ARHGAP10: variants seen among roughly 807,000 people sequenced by gnomAD.
ARHGAP10 encodes rho GTPase-activating protein 10.
A neutral mutation model predicts 108.6 loss-of-function variants in ARHGAP10; 87 were observed. The ratio of observed to expected loss-of-function variants is 0.80; its 90% CI spans 0.67 to 0.96. The LOEUF is 0.96. ARHGAP10 is among the 40% of genes least tolerant of loss of function. The probability of loss-of-function intolerance (pLI) is 0.00; values close to 1 mark genes in which losing one functional copy is unlikely to be tolerated. For synonymous variants in ARHGAP10, 347 were observed against 341.1 expected (o/e 1.02, Z -0.19); for missense variants, 939 against 954.5 (o/e 0.98, Z 0.21).
intron 22 of ARHGAP10, among the ~76,000 whole-genome samples, chr4:148,068,036 C>G (rs1010591910): frequency 6.6e-6 from 1 of 151,098 alleles, no homozygotes; most frequent in Non-Finnish European, 1.5e-5. Context: ...AGGGCAGTGA[C>G]GTTCCTGTGA....
At chr4:147,956,617 T>C (rs957119311) in intron 16 of ARHGAP10, among the ~76,000 whole-genome samples, 2 of 152,148 alleles carry the variant, frequency 1.3e-5, no homozygotes, top group Non-Finnish European at 2.9e-5. Flanking sequence ...GAAATTAAAC[T>C]TAGTTGGAGG....
chr4:147,906,197 G>T lies in ARHGAP10; in HGVS notation c.1035-441G>T, dbSNP rs188109478. ...TCCATTTCTTGATATATACCTGAAA[G>T]AATTGAAAGCAGGGGCCTAAACAGG... is the stretch of plus-strand genomic sequence containing the variant. On this transcript the variant is annotated intron_variant, in intron 10 of 22. Coordinates refer to ENST00000336498, the MANE Select transcript of ARHGAP10 (RefSeq NM_024605.4). Among the ~76,000 whole-genome samples the T allele has an allele frequency of 4.2e-3, 638 of 152,234 alleles. 4 individuals carry two copies. Among genetic ancestry groups the T allele is most frequent in the South Asian group, 0.014 (66 of 4,816 alleles).
chr4:148,045,630 C>A (rs1288175080), intron 19 of ARHGAP10, among the ~76,000 whole-genome samples: 1 of 147,848 alleles, frequency 6.8e-6, no homozygotes, highest in Non-Finnish European at 1.5e-5. Context: ...CCCAACTACT[C>A]GGGAGGCTGA....
chr4:147,986,929 T>A (rs1740066063), intron 18 of ARHGAP10, among the ~76,000 whole-genome samples: 1 of 152,224 alleles, frequency 6.6e-6, no homozygotes, highest in African/African-American at 2.4e-5. Flanking sequence ...CTGCTGCTGC[T>A]CCTTCCATTC....
At chr4:147,946,445 A>G (rs1189756405) in intron 14 of ARHGAP10, 172 bp from the exon 15 acceptor site, 4 of 517,380 alleles carry the variant, frequency 7.7e-6, no homozygotes, top group Non-Finnish European at 1.3e-5. Flanking sequence ...AGAAGTGTCT[A>G]GTCATAGAAC....
chr4:147,879,124 T>A, intron 8 of ARHGAP10, 108 bp from the exon 9 acceptor site: 1 of 785,664 alleles, frequency 1.3e-6, no homozygotes, highest in Non-Finnish European at 2.0e-6. Flanking sequence ...TTGATTCAGC[T>A]GTATTCGTTG....
At chr4:148,037,424 A>G (rs1728429400) in intron 19 of ARHGAP10, among the ~76,000 whole-genome samples, 2 of 152,234 alleles carry the variant, frequency 1.3e-5, no homozygotes, top group South Asian at 2.1e-4. Context: ...CTGATCCAAT[A>G]TGACAGTCTG....
intron 3 of ARHGAP10, among the ~76,000 whole-genome samples, chr4:147,840,839 C>T (rs1365079966): frequency 6.6e-6 from 1 of 152,210 alleles, no homozygotes; most frequent in Non-Finnish European, 1.5e-5. Flanking sequence ...AGCATTCCTT[C>T]TTCCTTCCCA....
chr4:147,887,857 A>G (rs1735633281), intron 10 of ARHGAP10, among the ~76,000 whole-genome samples: 1 of 150,008 alleles, frequency 6.7e-6, no homozygotes, highest in Non-Finnish European at 1.5e-5. Flanking sequence ...GCGAGACTCC[A>G]TCTCAAAAAA....
intron 18 of ARHGAP10, among the ~76,000 whole-genome samples, chr4:148,019,335 G>T (rs1741469867): frequency 6.6e-6 from 1 of 152,084 alleles, no homozygotes; most frequent in South Asian, 2.1e-4. Context: ...TTTATTTCTG[G>T]CTACTGTGTG....
chr4:147,859,157 A>G (rs1180821075), intron 5 of ARHGAP10, among the ~76,000 whole-genome samples: 3 of 152,206 alleles, frequency 2.0e-5, no homozygotes, highest in Non-Finnish European at 2.9e-5. Flanking sequence ...ATGTGTCTCA[A>G]ACCTTCAATT....
chr4:148,013,565 G>C (rs1741242983), intron 18 of ARHGAP10, among the ~76,000 whole-genome samples: 1 of 152,142 alleles, frequency 6.6e-6, no homozygotes, highest in African/African-American at 2.4e-5. Flanking sequence ...GCGGGCGCCT[G>C]TAGTCCCAGC....
intron 1 of ARHGAP10, among the ~76,000 whole-genome samples, chr4:147,738,385 A>G (rs1728506050): frequency 6.6e-6 from 1 of 152,076 alleles, no homozygotes; most frequent in Non-Finnish European, 1.5e-5. Flanking sequence ...CCCCATCTCT[A>G]CTAAAAATAA....
intron 14 of ARHGAP10, among the ~76,000 whole-genome samples, chr4:147,945,780 C>T (rs895156294): frequency 1.3e-5 from 2 of 152,050 alleles, no homozygotes; most frequent in East Asian, 3.9e-4. Flanking sequence ...CAGCTAAATC[C>T]GTGTTTTTGT....
At chr4:147,867,880 A>T (rs1734632647) in intron 7 of ARHGAP10, among the ~76,000 whole-genome samples, 1 of 149,888 alleles carries the variant, frequency 6.7e-6, no homozygotes, top group African/African-American at 2.4e-5. Context: ...AAAAAAAAAA[A>T]AAAAAAGTTG....
At chr4:147,840,946 T>C (rs6846899) in intron 3 of ARHGAP10, among the ~76,000 whole-genome samples, 33,791 of 152,178 alleles carry the variant, frequency 0.22, 5,427 homozygotes, top group African/African-American at 0.46. Flanking sequence ...AGATGATCCT[T>C]TCAGGCAGGG....
At chr4:147,771,177 T>A (rs1730062455) in intron 1 of ARHGAP10, among the ~76,000 whole-genome samples, 1 of 152,130 alleles carries the variant, frequency 6.6e-6, no homozygotes, top group Admixed American at 6.5e-5. Context: ...GACCCCTGTC[T>A]CTGTTTAAAC....
intron 10 of ARHGAP10, among the ~76,000 whole-genome samples, chr4:147,902,527 GGTCAGGAGTTTGAGACCA>G (rs1736291247): frequency 6.6e-6 from 1 of 152,098 alleles, no homozygotes; most frequent in African/African-American, 2.4e-5. Flanking sequence ...GGAGTGACCT[GGTCAGGAGTTTGAGACCA>G]GCCTGGCCAA....
chr4:147,959,028 G>C (rs947887857), intron 16 of ARHGAP10, among the ~76,000 whole-genome samples: 2 of 151,816 alleles, frequency 1.3e-5, no homozygotes, highest in African/African-American at 2.4e-5. Flanking sequence ...AAGGTAGGCT[G>C]TTCATTCTTT....
Sources: gnomAD v4.1 joint callset for allele counts (sites outside exome capture counted in the v4.1 genomes callset) on GRCh38, gnomAD v4.1.1 for gene constraint, MANE v1.5 for transcripts, NCBI Gene and HGNC (gene_info 2026-07-23, HGNC 2026-07-21) for gene names.